The following RPH3AL variants were observed in gnomAD, a reference collection of about 807,000 sequenced individuals.
RPH3AL encodes the protein rab effector Noc2.
Under a neutral mutation model 43.1 loss-of-function variants are expected in RPH3AL, and 38 were observed. The ratio of observed to expected loss-of-function variants is 0.88; its 90% CI spans 0.68 to 1.15. RPH3AL has a LOEUF of 1.15. Ranked by LOEUF, RPH3AL falls within the 50% of genes most tolerant of loss-of-function variation. RPH3AL has a pLI of 0.00. For synonymous variants in RPH3AL, 189 were observed against 176.3 expected (o/e 1.07, Z -0.57); for missense variants, 462 against 423.2 (o/e 1.09, Z -0.81).
rs2042836873 is a variant in RPH3AL at position 283,642 on chromosome 17, TCC to T, written c.352-1790_352-1789del. Among the ~76,000 whole-genome samples, 1 of 151,944 alleles carries T rather than the reference TCC, an allele frequency of 6.6e-6. No individual in the cohort carries two copies. Among genetic ancestry groups the T allele is most frequent in the Non-Finnish European group, 1.5e-5 (1 of 67,958 alleles). On this transcript the variant is annotated intron_variant, in intron 5 of 9. Coordinates refer to ENST00000331302, the MANE Select transcript of RPH3AL (RefSeq NM_006987.4). The surrounding 1 kb of genome is among the most constrained non-coding windows in gnomAD (Gnocchi z 4.2). ...ACTCCTCACTGCTGGCCTTCTTGCT[TCC>T]CAAGCTCTCATGACCCCATGAGAGG...
chr17:321,222 G>T, intron 4 of RPH3AL, 50 bp downstream of exon 4: 1 of 1,576,932 alleles, frequency 6.3e-7, no homozygotes, highest in African/African-American at 1.3e-5. Flanking sequence ...CTGCGCTTGC[G>T]CCAAAGCCCT....
At chr17:339,671 G>A (rs547134015) in intron 1 of RPH3AL, 13 of 152,378 alleles carry the variant, frequency 8.5e-5, no homozygotes, top group African/African-American at 3.1e-4. Flanking sequence ...GCCCAACGGA[G>A]CTGGGCTGAG....
chr17:250,979 G>A (rs782014157), intron 6 of RPH3AL, among the ~76,000 whole-genome samples: 8 of 152,226 alleles, frequency 5.3e-5, no homozygotes, highest in Non-Finnish European at 8.8e-5. Flanking sequence ...AGAACACACC[G>A]TGCTCTCTAC....
At chr17:241,270 C>T (rs1439536613) in intron 7 of RPH3AL, among the ~76,000 whole-genome samples, 10 of 151,884 alleles carry the variant, frequency 6.6e-5, no homozygotes, top group Admixed American at 6.6e-4. Flanking sequence ...GTGGTGTGCA[C>T]CTGTAGTCCC....
intron 6 of RPH3AL, among the ~76,000 whole-genome samples, chr17:270,032 G>A (rs1331026031): frequency 6.6e-6 from 1 of 152,160 alleles, no homozygotes; most frequent in Non-Finnish European, 1.5e-5. Flanking sequence ...AGGCTGCACT[G>A]ATAGCGGGTC....
At chr17:236,434 G>A (rs1011903772) in intron 7 of RPH3AL, among the ~76,000 whole-genome samples, 2 of 152,006 alleles carry the variant, frequency 1.3e-5, no homozygotes, top group Non-Finnish European at 2.9e-5. Flanking sequence ...CATCCGTTAT[G>A]TTTGACTATC....
intron 3 of RPH3AL, among the ~76,000 whole-genome samples, chr17:326,612 G>C (rs1042826150): frequency 1.3e-5 from 2 of 152,184 alleles, no homozygotes; most frequent in Non-Finnish European, 2.9e-5. Flanking sequence ...CAGGCGCGGT[G>C]GCTCACGCCT....
intron 6 of RPH3AL, among the ~76,000 whole-genome samples, chr17:253,678 T>G (rs9900685): frequency 0.74 from 40,196 of 54,000 alleles, 14,890 homozygotes; most frequent in African/African-American, 0.78. Flanking sequence ...CTAGGAACGT[T>G]ACTACCCTAC....
rs62057048 is a variant in RPH3AL, at chr17:214,139, C to T, written c.877-216G>A. ...CACCTGCCCCTCTGGGCTTCAGGCC[C>T]TCCTCCTAACCCAGGTGATCAACAT... On this transcript the variant is annotated intron_variant, in intron 9 of 9. Transcript: ENST00000331302. Among the ~76,000 whole-genome samples the T allele has an allele frequency of 3.3e-5, 5 of 152,314 alleles. No individual in the cohort carries two copies. The South Asian group carries it at 1.0e-3, about 32-fold the overall frequency.
chr17:235,701 C>A (rs111749468), intron 7 of RPH3AL, among the ~76,000 whole-genome samples: 806 of 28,762 alleles, frequency 0.028, 40 homozygotes, highest in East Asian at 0.053. Flanking sequence ...AGACAGGTCC[C>A]GGGTTCAAAG....
At chr17:213,990 C>G in intron 9 of RPH3AL, 67 bp from the exon 10 acceptor site, 1 of 1,267,892 alleles carries the variant, frequency 7.9e-7, no homozygotes, top group East Asian at 2.4e-5. Context: ...CCGGTGACAG[C>G]TCGGCCTTTG....
At chr17:314,414 T>G (rs2043778601) in intron 5 of RPH3AL, among the ~76,000 whole-genome samples, 1 of 131,010 alleles carries the variant, frequency 7.6e-6, no homozygotes, top group Non-Finnish European at 1.6e-5. Flanking sequence ...GTGCCCCACC[T>G]CCACTGACAT....
intron 3 of RPH3AL, chr17:321,689 C>G (rs570399601): frequency 2.4e-6 from 1 of 413,716 alleles, no homozygotes; most frequent in African/African-American, 2.1e-5. Flanking sequence ...TGCTGTGTGC[C>G]GGGGACAAGG....
At chr17:331,481 G>A in intron 2 of RPH3AL, 1 of 1,040,048 alleles carries the variant, frequency 9.6e-7, no homozygotes, top group Non-Finnish European at 1.2e-6. Flanking sequence ...GGACGGCTGT[G>A]CACCCCCACC....
chr17:328,152 G>A lies in RPH3AL; in HGVS notation c.-36-573C>T, dbSNP rs2044661643. The stretch of plus-strand genomic sequence containing the variant: ...TTGCCACCCAGCACCATGCCAAGGG[G>A]AGCCGTCCATAGACACTGCCATGAA... On this transcript the variant is annotated intron_variant, in intron 2 of 9. Transcript: ENST00000331302. The surrounding 1 kb of genome is among the most constrained non-coding windows in gnomAD (Gnocchi z 4.2). Among the ~76,000 whole-genome samples the A allele has an allele frequency of 6.6e-6, 1 of 152,022 alleles. No homozygotes were observed. Among genetic ancestry groups the A allele is most frequent in the Non-Finnish European group, 1.5e-5 (1 of 67,990 alleles).
intron 1 of RPH3AL, among the ~76,000 whole-genome samples, chr17:337,173 T>C (rs760700716): frequency 6.6e-6 from 1 of 152,070 alleles, no homozygotes; most frequent in Admixed American, 6.5e-5. Context: ...TGGAGTGCAG[T>C]GGCACAGTCA....
At chr17:243,718 A>G (rs1278496774) in intron 7 of RPH3AL, among the ~76,000 whole-genome samples, 1 of 66,074 alleles carries the variant, frequency 1.5e-5, no homozygotes, top group Non-Finnish European at 2.9e-5. Flanking sequence ...TCTATTGATT[A>G]CCCTTCCTCT....
In RPH3AL at chr17:226,501, A is replaced by G. The variant is rs117633874; in HGVS notation, c.614-6765T>C. Among the ~76,000 whole-genome samples the G allele has an allele frequency of 1.0e-3, 152 of 152,322 alleles. 3 individuals carry two copies. The East Asian group carries it at 0.019, about 19-fold the overall frequency. On this transcript the variant is annotated intron_variant, in intron 7 of 9. Transcript: ENST00000331302. The stretch of plus-strand genomic sequence containing the variant: ...CAAATCCCATTTCTAATCCACTCTA[A>G]TAAACACCACTCGAAAGAAATAAAC...
intron 7 of RPH3AL, among the ~76,000 whole-genome samples, chr17:235,643 ATGGATC>A (rs2041361396): frequency 7.4e-6 from 1 of 134,264 alleles, no homozygotes; most frequent in African/African-American, 2.7e-5. Flanking sequence ...CACTAACAAG[ATGGATC>A]CAGGGTTCAA....
Sources: gnomAD v4.1 joint callset for allele counts (sites outside exome capture counted in the v4.1 genomes callset) on GRCh38, gnomAD v4.1.1 for gene constraint, Gnocchi (gnomAD v3.1) non-coding constraint, MANE v1.5 for transcripts, NCBI Gene and HGNC (gene_info 2026-07-23, HGNC 2026-07-21) for gene names.